Variants in DOP1A observed in about 807,000 individuals in gnomAD.
DOP1A encodes DOP1 leucine zipper like protein A, also known as protein DOP1A.
In DOP1A, 90 loss-of-function variants were observed where a neutral mutation model predicts 267.6. That is an observed-to-expected ratio of 0.34 (90% CI 0.28 to 0.40). The LOEUF is 0.40. Ranked by LOEUF, DOP1A falls within the 10% of genes least tolerant of loss-of-function variation. The probability of loss-of-function intolerance (pLI) is 1.00; values close to 1 mark genes in which losing one functional copy is unlikely to be tolerated. For missense variants in DOP1A, 2,437 were observed against 2,900.4 expected (o/e 0.84, Z 3.67); for synonymous variants, 932 against 999.1 (o/e 0.93, Z 1.27).
chr6:83,118,443 T>C (rs1411539750), intron 7 of DOP1A, among the ~76,000 whole-genome samples: 1 of 152,184 alleles, frequency 6.6e-6, no homozygotes, highest in Non-Finnish European at 1.5e-5. Flanking sequence ...TTTTTTGATA[T>C]GTTTAAAATA....
chr6:83,164,607 A>AG lies in DOP1A; in HGVS notation c.7092+1689dup. On this transcript the variant is annotated intron_variant, in intron 38 of 38. Transcript: ENST00000349129. ...ACCTTAAACAAGGTCTTCATGGCCA[A>AG]GCATACTTTTCACTGGAACAAAGGC... 14 of 1,513,234 alleles carry AG rather than the reference A, an allele frequency of 9.3e-6. No homozygotes were observed. In the South Asian group the frequency reaches 1.7e-4, roughly 18 times the overall value. 93.7% of individuals were successfully genotyped at this position (1,513,234 alleles called of 1,614,324 possible). A position where few individuals can be genotyped will look rare whatever the true frequency, so the allele number is the denominator to read the frequency against.
At chr6:83,075,508 T>C (rs1426220971) in intron 1 of DOP1A, among the ~76,000 whole-genome samples, 1 of 152,178 alleles carries the variant, frequency 6.6e-6, no homozygotes, top group Non-Finnish European at 1.5e-5. Flanking sequence ...ACCTGAAGGA[T>C]AAGTAGGTAC....
At chr6:83,069,047 T>C (rs2127937135) in intron 1 of DOP1A, among the ~76,000 whole-genome samples, 1 of 152,336 alleles carries the variant, frequency 6.6e-6, no homozygotes, top group East Asian at 1.9e-4. Context: ...AGTTAAATGT[T>C]TGTATACATT....
In DOP1A at chr6:83,115,081, G is replaced by A. The variant is rs78237710; in HGVS notation, c.780+1660G>A. Reference sequence around the variant, plus strand: ...TGCCTTCATTACCATATCCCAAAAGGATGATAGTTGTTAGGAACTTCAGCA... The same window carrying A: ...TGCCTTCATTACCATATCCCAAAAGAATGATAGTTGTTAGGAACTTCAGCA... On this transcript the variant is annotated intron_variant, in intron 7 of 38. Transcript: ENST00000349129. Among the ~76,000 whole-genome samples, 811 of 152,180 alleles carry A rather than the reference G, an allele frequency of 5.3e-3. 9 individuals carry two copies. Among genetic ancestry groups the A allele is most frequent in the African/African-American group, 0.019 (776 of 41,524 alleles).
chr6:83,077,156 A>G (rs766929808), intron 1 of DOP1A, among the ~76,000 whole-genome samples: 5 of 152,186 alleles, frequency 3.3e-5, no homozygotes, highest in Non-Finnish European at 5.9e-5. Flanking sequence ...GATTGGTTGC[A>G]CAATAATGTG....
chr6:83,110,191 G>T lies in DOP1A; in HGVS notation c.558G>T (p.Trp186Cys). The T allele has an allele frequency of 6.2e-7, 1 of 1,613,894 alleles. No individual in the cohort carries two copies. Among genetic ancestry groups the T allele is most frequent in the Non-Finnish European group, 8.5e-7 (1 of 1,179,876 alleles). The change falls in exon 6 of 39, where the codon TGG becomes TGT. Residue 186 changes from tryptophan (W) to cysteine (C), a missense_variant. By Grantham distance (215) the Trp-to-Cys change is radical. Transcript: ENST00000349129. ...VDQSAFYSAL[W>C]GSLLTSPAVR... ...AGTCAGCATTCTACAGTGCCCTGTGGGGTAGTCTTCTCACCAGTCCTGCTG... is the reference window on the plus strand; with the variant it reads ...AGTCAGCATTCTACAGTGCCCTGTGTGGTAGTCTTCTCACCAGTCCTGCTG...
intron 24 of DOP1A, 46 bp downstream of exon 24, chr6:83,142,092 G>A (rs751084678): frequency 6.3e-7 from 1 of 1,595,392 alleles, no homozygotes; most frequent in Non-Finnish European, 8.5e-7. Flanking sequence ...CATTTGGTGA[G>A]TACATGCTAA....
chr6:83,110,953 T>C (rs1031914193), intron 6 of DOP1A, among the ~76,000 whole-genome samples: 76 of 152,158 alleles, frequency 5.0e-4, no homozygotes, highest in African/African-American at 1.8e-3. Context: ...ATAACCACTA[T>C]TGCAATCAAG....
intron 24 of DOP1A, among the ~76,000 whole-genome samples, chr6:83,142,866 T>C (rs1019560522): frequency 6.6e-6 from 1 of 152,146 alleles, no homozygotes; most frequent in Non-Finnish European, 1.5e-5. Context: ...AGAGAAATGC[T>C]CTATATTGAA....
At position 83,129,152 on chromosome 6, in the gene DOP1A, C is replaced by A; in HGVS notation, c.1985C>A (p.Ala662Glu). 1 of 1,612,944 alleles carries A rather than the reference C, an allele frequency of 6.2e-7. No individual in the cohort carries two copies. Among genetic ancestry groups the A allele is most frequent in the Non-Finnish European group, 8.5e-7 (1 of 1,179,484 alleles). The change falls in exon 16 of 39, where the codon GCA becomes GAA. Residue 662 changes from alanine to glutamate, a missense_variant. Around this residue, in one of 9 missense-constraint regions of DOP1A, gnomAD observed 498 missense variants for 513.5 expected, o/e 0.97. Coordinates refer to ENST00000349129, the MANE Select transcript of DOP1A (RefSeq NM_015018.4). ...CCTTCCGTAGTCACTCAGGGGACAG[C>A]AACCCGAAGTAGGAAGACAGCCCAA... ...QTPSVVTQGT[A>E]TRSRKTAQKT...
rs1209823315 is a variant in DOP1A at position 83,096,773 on chromosome 6, A to G, written c.-104A>G. 4.4e-6 allele frequency: 2 copies of G among 452,592 alleles called. No individual in the cohort carries two copies. Among genetic ancestry groups the G allele is most frequent in the Non-Finnish European group, 7.7e-6 (2 of 261,284 alleles). 28.0% of individuals were successfully genotyped at this position (452,592 alleles called of 1,614,324 possible). A position where few individuals can be genotyped will look rare whatever the true frequency, so the allele number is the denominator to read the frequency against. Reference sequence around the variant, plus strand: ...GTTATCTTTCAGGCTGTCTTTGAATACTTCCATGACCCTGAACACTAGCTG... The same window carrying G: ...GTTATCTTTCAGGCTGTCTTTGAATGCTTCCATGACCCTGAACACTAGCTG... On this transcript the variant is annotated 5_prime_UTR_variant, in exon 2 of 39. It adds an upstream start codon to the 5' untranslated region. Coordinates refer to ENST00000349129, the MANE Select transcript of DOP1A (RefSeq NM_015018.4).
chr6:83,086,703 A>C (rs530724320), intron 1 of DOP1A, among the ~76,000 whole-genome samples: 51 of 152,338 alleles, frequency 3.3e-4, no homozygotes, highest in Admixed American at 9.2e-4. Flanking sequence ...GGCTTTGGTT[A>C]AAGCACATTA....
chr6:83,124,779 T>G lies in DOP1A; in HGVS notation c.1415T>G (p.Phe472Cys). The G allele has an allele frequency of 6.2e-7, 1 of 1,613,338 alleles. No homozygotes were observed. Among genetic ancestry groups the G allele is most frequent in the Non-Finnish European group, 8.5e-7 (1 of 1,179,592 alleles). ...TCATCTGAATTACAGCTGACCAATT[T>G]CTGCTTACTGGTGGATTTTTTGTTG... ...NDSSELQLTN[F>C]CLLVDFLLDI... The change falls in exon 13 of 39, where the codon TTC (phenylalanine) becomes TGC (cysteine). Residue 472 changes from phenylalanine to cysteine, a missense_variant. By Grantham distance (205) the Phe-to-Cys change is radical. Around this residue, in one of 9 missense-constraint regions of DOP1A, gnomAD observed 498 missense variants for 513.5 expected, o/e 0.97. Coordinates refer to ENST00000349129, the MANE Select transcript of DOP1A (RefSeq NM_015018.4).
At chr6:83,103,467 C>T (rs560963558) in intron 4 of DOP1A, among the ~76,000 whole-genome samples, 3 of 152,188 alleles carry the variant, frequency 2.0e-5, no homozygotes, top group African/African-American at 7.2e-5. Flanking sequence ...ACCACCTATT[C>T]CCCAAAAAAA....
intron 17 of DOP1A, among the ~76,000 whole-genome samples, chr6:83,131,544 C>T (rs1481956298): frequency 2.0e-5 from 3 of 152,122 alleles, no homozygotes; most frequent in Non-Finnish European, 4.4e-5. Context: ...AAATTGCATT[C>T]AATGTGGGAT....
intron 38 of DOP1A, 80 bp from the exon 39 acceptor site, chr6:83,167,782 A>C: frequency 6.8e-7 from 1 of 1,463,980 alleles, no homozygotes; most frequent in African/African-American, 1.4e-5. Context: ...ACCAATTGCC[A>C]AAGTTTATAT....
intron 26 of DOP1A, among the ~76,000 whole-genome samples, 165 bp from the exon 27 acceptor site, chr6:83,148,594 C>T (rs1780990608): frequency 6.6e-6 from 1 of 151,976 alleles, no homozygotes; most frequent in Non-Finnish European, 1.5e-5. Flanking sequence ...AAAGAAATTG[C>T]ATTGATATTT....
At chr6:83,122,119 G>A (rs1431206993) in intron 11 of DOP1A, 69 bp downstream of exon 11, 1 of 1,544,184 alleles carries the variant, frequency 6.5e-7, no homozygotes, top group Non-Finnish European at 8.8e-7. Flanking sequence ...AACTTGAAGT[G>A]TAATAACTTG....
chr6:83,141,090 A>T (rs62419253), intron 23 of DOP1A, among the ~76,000 whole-genome samples: 14,348 of 152,144 alleles, frequency 0.094, 861 homozygotes, highest in East Asian at 0.16. Context: ...ATCCTAAACA[A>T]TTAATTAGGG....
Sources: gnomAD v4.1 joint callset for allele counts (sites outside exome capture counted in the v4.1 genomes callset) on GRCh38, gnomAD v4.1.1 for gene constraint, gnomAD v4.1.1 regional missense constraint, MANE v1.5 for transcripts, NCBI Gene and HGNC (gene_info 2026-07-23, HGNC 2026-07-21) for gene names.